The following VWDE variants were observed in gnomAD, a reference collection of about 807,000 sequenced individuals.
VWDE encodes the protein von Willebrand factor D and EGF domains, also known as von Willebrand factor D and EGF domain-containing protein.
VWDE carries 207 observed loss-of-function variants against 178.4 expected under a neutral mutation model. The observed-to-expected ratio is 1.16, with a 90% confidence interval of 1.04 to 1.30. VWDE has a LOEUF of 1.30. Among genes scored for constraint, VWDE ranks in the 50% most tolerant of loss-of-function variants. The pLI is 0.00. For synonymous variants in VWDE, 738 were observed against 651.4 expected (o/e 1.13, Z -2.02); for missense variants, 2,287 against 1,901.3 (o/e 1.20, Z -3.77).
chr7:12,367,449 C>A lies in VWDE; in HGVS notation c.2806G>T (p.Asp936Tyr). Reference sequence around the variant, plus strand: ...ATCATACAATTATATTTTTGAACATCACAGAATCCAGCATTCCCAAGCTCT... The same window carrying A: ...ATCATACAATTATATTTTTGAACATAACAGAATCCAGCATTCCCAAGCTCT... ...ITELGNAGFC[D>Y]VQKYNCMMVR... The change falls in exon 13 of 29, where the codon GAT becomes TAT. Residue 936 changes from aspartate to tyrosine, a missense_variant. Coordinates refer to ENST00000275358, the MANE Select transcript of VWDE (RefSeq NM_001135924.3). The A allele has an allele frequency of 1.3e-6, 2 of 1,544,578 alleles. No individual in the cohort carries two copies. Among genetic ancestry groups the A allele is most frequent in the African/African-American group, 1.4e-5 (1 of 72,766 alleles).
chr7:12,402,201 A>T (rs955865424), intron 1 of VWDE, among the ~76,000 whole-genome samples: 1 of 152,218 alleles, frequency 6.6e-6, no homozygotes, highest in African/African-American at 2.4e-5. Flanking sequence ...TTTCTTTCTG[A>T]TTGATAAATA....
intron 12 of VWDE, 68 bp from the exon 13 acceptor site, chr7:12,367,561 C>T: frequency 1.6e-6 from 2 of 1,279,350 alleles, no homozygotes; most frequent in Non-Finnish European, 2.1e-6. Flanking sequence ...CTAATTATTT[C>T]CAAGCCCCAA....
intron 4 of VWDE, among the ~76,000 whole-genome samples, chr7:12,381,797 G>A (rs1783866189): frequency 6.6e-6 from 1 of 151,546 alleles, no homozygotes; most frequent in Non-Finnish European, 1.5e-5. Flanking sequence ...CTAGGAAAAG[G>A]ACATTTAGTT....
intron 18 of VWDE, among the ~76,000 whole-genome samples, chr7:12,354,801 C>T (rs1782136157): frequency 6.6e-6 from 1 of 152,054 alleles, no homozygotes; most frequent in African/African-American, 2.4e-5. Flanking sequence ...GTAATTTGAA[C>T]TTTGTTTAAA....
At chr7:12,371,354 A>T (rs377610047) in intron 10 of VWDE, among the ~76,000 whole-genome samples, 53 of 152,268 alleles carry the variant, frequency 3.5e-4, no homozygotes, top group African/African-American at 1.2e-3. Context: ...ACTAGAAGGT[A>T]GCTTGGGGAG....
At chr7:12,356,068 A>T in intron 18 of VWDE, 43 bp downstream of exon 18, 1 of 1,493,494 alleles carries the variant, frequency 6.7e-7, no homozygotes, top group Non-Finnish European at 9.1e-7. Context: ...ATGTGTTTCA[A>T]GGAGCTTTTC....
chr7:12,354,570 C>CT, intron 18 of VWDE: 1 of 250,012 alleles, frequency 4.0e-6, no homozygotes, highest in Non-Finnish European at 7.9e-6. Flanking sequence ...ATAACTTCTA[C>CT]TTTTTATGTC....
rs79412289 is a variant in VWDE, at chr7:12,344,253, A to G, written c.4020T>C (p.Cys1340=). ...GACACTGACAAATGTTAGGCTTAAT[A>G]CATTTTCCATGGTTTTTGCAATCAG... ...CDPDCKNHGK[C]IKPNICQCLP... Residue 1340 remains cysteine, a synonymous_variant, in exon 21 of 29, where the codon TGT becomes TGC. Coordinates refer to ENST00000275358, the MANE Select transcript of VWDE (RefSeq NM_001135924.3). 3.0e-4 allele frequency: 470 copies of G among 1,551,314 alleles called. 3 individuals are homozygous for G. In the African/African-American group the frequency reaches 5.5e-3, roughly 18 times the overall value.
intron 19 of VWDE, among the ~76,000 whole-genome samples, chr7:12,348,478 C>T (rs1166645265): frequency 6.7e-6 from 1 of 149,524 alleles, no homozygotes; most frequent in Non-Finnish European, 1.5e-5. Flanking sequence ...TGAAAAAATG[C>T]TCATCATCAC....
chr7:12,371,542 C>G (rs1021229742), intron 10 of VWDE, among the ~76,000 whole-genome samples: 1 of 152,128 alleles, frequency 6.6e-6, no homozygotes, highest in African/African-American at 2.4e-5. Context: ...ACTGTGTTTG[C>G]TCTTCTGGTT....
At chr7:12,384,365 C>CAG (rs904671154) in intron 3 of VWDE, among the ~76,000 whole-genome samples, 1 of 151,846 alleles carries the variant, frequency 6.6e-6, no homozygotes, top group African/African-American at 2.4e-5. Context: ...GGTGAACAGG[C>CAG]AGAGCATAGG....
intron 18 of VWDE, among the ~76,000 whole-genome samples, chr7:12,355,244 A>G (rs983351396): frequency 1.3e-5 from 2 of 151,974 alleles, no homozygotes; most frequent in Non-Finnish European, 2.9e-5. Flanking sequence ...GTGAAACCCC[A>G]TCTCTACTAA....
At position 12,399,738 on chromosome 7, in the gene VWDE, T is replaced by C. The variant is rs542972833; in HGVS notation, c.58+3921A>G. ...GGTATGTTCCTATAAACCCAGCTAC[T>C]AGGGAGGTTGACGTGGGAGAATTGC... On this transcript the variant is annotated intron_variant, in intron 1 of 28. Transcript: ENST00000275358. 3.9e-5 allele frequency among the ~76,000 whole-genome samples: 6 copies of C among 152,196 alleles called. No individual in the cohort carries two copies. In the East Asian group the frequency reaches 1.2e-3, roughly 29 times the overall value.
rs183561925 is a variant in VWDE at position 12,396,734 on chromosome 7, G to A, written c.59-2956C>T. Among the ~76,000 whole-genome samples the A allele has an allele frequency of 6.0e-5, 9 of 149,668 alleles. No individual in the cohort carries two copies. The East Asian group carries it at 1.8e-3, about 29-fold the overall frequency. On this transcript the variant is annotated intron_variant, in intron 1 of 28. Transcript: ENST00000275358. ...AGTTGGAGACCAGCCTGACCAACAA[G>A]GAGAAACCCCATCTCTACTTAAAAA...
rs1169015745 is a variant in VWDE, at chr7:12,369,543, AC to A, written c.2761+1del. The A allele has an allele frequency of 1.1e-5, 17 of 1,516,058 alleles. No individual in the cohort carries two copies. In the African/African-American group the frequency reaches 2.2e-4, roughly 20 times the overall value. The allele number at this position is 1,516,058 out of a possible 1,614,324, so 93.9% of individuals were successfully genotyped here. On this transcript the variant is annotated splice_donor_variant, in intron 12 of 28. Transcript: ENST00000275358. LOFTEE classifies it high-confidence loss of function. ...TATCAAACTTTGAGAGTACTTACTTACCATAGGAATCACTGCAGTCATAGGA... is the reference window on the plus strand; with the variant it reads ...TATCAAACTTTGAGAGTACTTACTTACATAGGAATCACTGCAGTCATAGGA...
rs78967702 is a variant in VWDE, at chr7:12,331,703, C to T, written c.4759-506G>A. Among the ~76,000 whole-genome samples, 4 of 152,192 alleles carry T rather than the reference C, an allele frequency of 2.6e-5. No homozygotes were observed. The East Asian group carries it at 7.7e-4, about 29-fold the overall frequency. ...ACAATAAGCCTAACATTAGGTGCTA[C>T]TATTAATGCCATATTGCAGATGAGA... On this transcript the variant is annotated intron_variant, in intron 28 of 28. Coordinates refer to ENST00000275358, the MANE Select transcript of VWDE (RefSeq NM_001135924.3).
At chr7:12,361,027 G>A in intron 15 of VWDE, 120 bp downstream of exon 15, 1 of 578,752 alleles carries the variant, frequency 1.7e-6, no homozygotes, top group Admixed American at 3.6e-5. Context: ...ACTTGAGGAA[G>A]GCTTTTCTCT....
At chr7:12,377,682 TTA>T (rs1206427624) in intron 7 of VWDE, 92 bp downstream of exon 7, 1 of 723,746 alleles carries the variant, frequency 1.4e-6, no homozygotes, top group East Asian at 3.4e-5. Flanking sequence ...ACATGATTTA[TTA>T]TATGAGTACA....
rs562198390 is a variant in VWDE at position 12,369,711 on chromosome 7, CCT to C, written c.2593_2594del (p.Arg865AspfsTer8). 295 of 1,551,518 alleles carry C rather than the reference CCT, an allele frequency of 1.9e-4. No homozygotes were observed. Among genetic ancestry groups the C allele is most frequent in the Non-Finnish European group, 2.5e-4 (289 of 1,146,914 alleles). ...VALLENECEK[R>X]IVEEGKYNTE... ...TGTTATATTTCCCCTCCTCCACAATCCTCTTTTCACATTCATTTTCTAAAAGG... is the reference window on the plus strand; with the variant it reads ...TGTTATATTTCCCCTCCTCCACAATCCTTTTCACATTCATTTTCTAAAAGG... On this transcript the variant is annotated frameshift_variant, in exon 12 of 29. Transcript: ENST00000275358. LOFTEE classifies it high-confidence loss of function.
Sources: gnomAD v4.1 joint callset for allele counts (sites outside exome capture counted in the v4.1 genomes callset) on GRCh38, gnomAD v4.1.1 for gene constraint, MANE v1.5 for transcripts, NCBI Gene and HGNC (gene_info 2026-07-23, HGNC 2026-07-21) for gene names.